Variants in CDH12 observed in about 807,000 individuals in gnomAD.
The protein encoded by CDH12 is cadherin-12.
In CDH12, 41 loss-of-function variants were observed where a neutral mutation model predicts 74.1. The ratio of observed to expected loss-of-function variants is 0.55; its 90% CI spans 0.43 to 0.72. The LOEUF (loss-of-function observed/expected upper bound fraction) is 0.72. Ranked by LOEUF, CDH12 falls within the 30% of genes least tolerant of loss-of-function variation. The pLI is 0.00. For synonymous variants in CDH12, 399 were observed against 355.0 expected (o/e 1.12, Z -1.39); for missense variants, 945 against 977.2 (o/e 0.97, Z 0.44).
chr5:22,673,475 T>C (rs1436188041), intron 1 of CDH12, among the ~76,000 whole-genome samples: 1 of 152,146 alleles, frequency 6.6e-6, no homozygotes, highest in Non-Finnish European at 1.5e-5. Context: ...TTTTCATTTC[T>C]TCATTGTATA....
chr5:22,467,642 A>C (rs1745790556), intron 2 of CDH12, among the ~76,000 whole-genome samples: 1 of 152,206 alleles, frequency 6.6e-6, no homozygotes, highest in African/African-American at 2.4e-5. Flanking sequence ...GGCACATAGT[A>C]GTTGTTCAAT....
Position 22,488,518 on chromosome 5 carries a change from G to A in CDH12, c.-428+16752C>T, listed in dbSNP as rs894494469. 2.6e-5 allele frequency among the ~76,000 whole-genome samples: 4 copies of A among 152,084 alleles called. 1 individual carries two copies. The highest frequency in any genetic ancestry group is 9.7e-5 in the African/African-American group (4 of 41,396). ...ATCCTGAAAGGACTGCCCCTCAAAG[G>A]GTTAGCTCATTCCAAGAGATAGCAA... is the stretch of plus-strand genomic sequence containing the variant. On this transcript the variant is annotated intron_variant, in intron 2 of 14. Transcript: ENST00000382254.
intron 1 of CDH12, among the ~76,000 whole-genome samples, chr5:22,585,201 C>T (rs969062932): frequency 6.6e-6 from 1 of 152,162 alleles, no homozygotes; most frequent in Non-Finnish European, 1.5e-5. Context: ...AGAATATTTT[C>T]TTCCAGCACC....
At chr5:22,587,992 G>A (rs1020136383) in intron 1 of CDH12, among the ~76,000 whole-genome samples, 1 of 148,090 alleles carries the variant, frequency 6.8e-6, no homozygotes, top group African/African-American at 2.5e-5. Flanking sequence ...ACATATATAT[G>A]TGTGTCTATA....
chr5:22,371,913 T>A (rs559153528), intron 3 of CDH12, among the ~76,000 whole-genome samples: 137 of 152,334 alleles, frequency 9.0e-4, no homozygotes, highest in Middle Eastern at 6.8e-3. Context: ...TTGTCCTTTA[T>A]TCTCAAAGGT....
chr5:21,801,335 A>G (rs78802099), intron 10 of CDH12, among the ~76,000 whole-genome samples: 4,586 of 152,286 alleles, frequency 0.03, 166 homozygotes, highest in East Asian at 0.15. Context: ...GTTCTTGCAT[A>G]GTAAGCTTCT....
chr5:22,423,121 C>G (rs890025119), intron 2 of CDH12, among the ~76,000 whole-genome samples: 2 of 151,380 alleles, frequency 1.3e-5, no homozygotes, highest in African/African-American at 4.9e-5. Context: ...GTGAAGAATA[C>G]CCTTGGTGGA....
rs561059125 is a variant in CDH12, at chr5:22,296,975, T to C, written c.-332-84332A>G. 2.3e-5 allele frequency among the ~76,000 whole-genome samples: 3 copies of C among 130,884 alleles called. No individual in the cohort carries two copies. The South Asian group carries it at 7.1e-4, about 31-fold the overall frequency. The allele number at this position is 130,884 out of a possible 152,430, so 85.9% of individuals were successfully genotyped here. A position where few individuals can be genotyped will look rare whatever the true frequency, so the allele number is the denominator to read the frequency against. ...AAACAGTTATCACACATATTTCTTT[T>C]ATTCTTTTCTTTCTTTCTTTTTTAA... On this transcript the variant is annotated intron_variant, in intron 3 of 14. Coordinates refer to ENST00000382254, the MANE Select transcript of CDH12 (RefSeq NM_004061.5).
At chr5:22,378,090 T>C (rs1003361057) in intron 3 of CDH12, among the ~76,000 whole-genome samples, 2 of 152,172 alleles carry the variant, frequency 1.3e-5, no homozygotes, top group Non-Finnish European at 2.9e-5. Context: ...TATTTAATTT[T>C]ACATGTTAAT....
At chr5:22,667,277 G>T (rs1357591650) in intron 1 of CDH12, among the ~76,000 whole-genome samples, 1 of 152,154 alleles carries the variant, frequency 6.6e-6, no homozygotes, top group African/African-American at 2.4e-5. Context: ...AGAGATGGTA[G>T]TCCCTCTCTG....
intron 2 of CDH12, among the ~76,000 whole-genome samples, chr5:22,418,385 T>C (rs1183902914): frequency 3.9e-5 from 6 of 152,208 alleles, no homozygotes; most frequent in Non-Finnish European, 5.9e-5. Flanking sequence ...AATCATGTCA[T>C]CTGCAAACAG....
chr5:22,750,275 G>A (rs556305635), intron 1 of CDH12, among the ~76,000 whole-genome samples: 4 of 152,194 alleles, frequency 2.6e-5, no homozygotes, highest in East Asian at 1.9e-4. Context: ...AACTGGGTTC[G>A]CATGCTGTAG....
At chr5:22,257,158 AC>A (rs1278003699) in intron 3 of CDH12, among the ~76,000 whole-genome samples, 5 of 152,150 alleles carry the variant, frequency 3.3e-5, no homozygotes, top group Admixed American at 3.3e-4. Flanking sequence ...AACAATCCAC[AC>A]TGGGGCCTTT....
At chr5:22,128,347 A>T (rs1330128134) in intron 4 of CDH12, among the ~76,000 whole-genome samples, 1 of 152,102 alleles carries the variant, frequency 6.6e-6, no homozygotes, top group African/African-American at 2.4e-5. Context: ...AAATTTACAT[A>T]GTAGAGAGAA....
intron 1 of CDH12, among the ~76,000 whole-genome samples, chr5:22,669,660 T>C (rs953412543): frequency 1.5e-4 from 23 of 152,230 alleles, no homozygotes; most frequent in African/African-American, 4.3e-4. Flanking sequence ...TGCAGATATA[T>C]GGCAATGAAG....
intron 1 of CDH12, among the ~76,000 whole-genome samples, chr5:22,603,996 C>T (rs950159256): frequency 6.6e-6 from 1 of 152,084 alleles, no homozygotes; most frequent in East Asian, 1.9e-4. Flanking sequence ...CTGTAGTGGG[C>T]GACAGCCAAG....
At chr5:22,470,011 A>G (rs1227021008) in intron 2 of CDH12, among the ~76,000 whole-genome samples, 1 of 152,178 alleles carries the variant, frequency 6.6e-6, no homozygotes, top group African/African-American at 2.4e-5. Context: ...AGAACTCTTA[A>G]GACAAGAAAA....
At chr5:22,258,563 T>C (rs1300185906) in intron 3 of CDH12, among the ~76,000 whole-genome samples, 1 of 151,308 alleles carries the variant, frequency 6.6e-6, no homozygotes, top group Non-Finnish European at 1.5e-5. Flanking sequence ...AAAAAAAAAG[T>C]CCTAGGCCTT....
chr5:21,785,798 A>G (rs1746165869), intron 10 of CDH12, among the ~76,000 whole-genome samples: 1 of 152,214 alleles, frequency 6.6e-6, no homozygotes, highest in Non-Finnish European at 1.5e-5. Context: ...AGCAGGAAGT[A>G]CTTATGTAGA....
Sources: allele counts gnomAD v4.1 joint callset (sites outside exome capture counted in the v4.1 genomes callset), GRCh38; gene constraint gnomAD v4.1.1; transcripts MANE v1.5; gene names NCBI Gene and HGNC (gene_info 2026-07-23, HGNC 2026-07-21).